PAM: variants seen among roughly 807,000 people sequenced by gnomAD.
The protein encoded by PAM is peptidylglycine alpha-amidating monooxygenase, also known as peptidyl-glycine alpha-amidating monooxygenase.
PAM carries 72 observed loss-of-function variants against 122.1 expected under a neutral mutation model. The ratio of observed to expected loss-of-function variants is 0.59; its 90% CI spans 0.49 to 0.72. The LOEUF is 0.72. PAM is among the 30% of genes least tolerant of loss of function. The pLI, the probability that PAM is intolerant of heterozygous loss-of-function variation, is 0.00. For missense variants in PAM, 1,106 were observed against 1,183.7 expected, an observed-to-expected ratio of 0.93 and a Z score of 0.96; for synonymous variants, 389 against 404.4, an observed-to-expected ratio of 0.96 and a Z score of 0.46.
intron 4 of PAM, among the ~76,000 whole-genome samples, chr5:102,913,254 A>T (rs1801985630): frequency 6.6e-6 from 1 of 151,974 alleles, no homozygotes; most frequent in Non-Finnish European, 1.5e-5. Context: ...TCTTTTAATT[A>T]TGCACTTGTT....
chr5:102,996,096 G>A (rs1775615233), intron 16 of PAM, among the ~76,000 whole-genome samples: 1 of 152,068 alleles, frequency 6.6e-6, no homozygotes, highest in Non-Finnish European at 1.5e-5. Flanking sequence ...TTTTGTGTGT[G>A]TGAATATAGC....
At chr5:102,794,301 T>C (rs893113280) in intron 1 of PAM, among the ~76,000 whole-genome samples, 1 of 152,180 alleles carries the variant, frequency 6.6e-6, no homozygotes, top group Non-Finnish European at 1.5e-5. Flanking sequence ...AGGTGGAAGG[T>C]TGTCTTCCTG....
chr5:102,960,219 T>A (rs1415853621), intron 13 of PAM, among the ~76,000 whole-genome samples, 160 bp downstream of exon 13: 2 of 152,144 alleles, frequency 1.3e-5, no homozygotes, highest in Admixed American at 1.3e-4. Flanking sequence ...TTTCATATCC[T>A]ATCTCCCCTC....
At chr5:102,830,088 T>G (rs746738405) in intron 1 of PAM, among the ~76,000 whole-genome samples, 1 of 152,206 alleles carries the variant, frequency 6.6e-6, no homozygotes, top group Non-Finnish European at 1.5e-5. Context: ...GGGGCTTATG[T>G]GCAGCTGCCA....
chr5:102,767,912 G>T (rs1386356727), intron 1 of PAM, among the ~76,000 whole-genome samples: 3 of 152,082 alleles, frequency 2.0e-5, no homozygotes, highest in Non-Finnish European at 2.9e-5. Context: ...TTGGCCCAAG[G>T]TCATATAGGT....
chr5:102,777,731 TTTTCCTCTGTAG>T (rs1444625818), intron 1 of PAM, among the ~76,000 whole-genome samples: 1 of 152,112 alleles, frequency 6.6e-6, no homozygotes, highest in Non-Finnish European at 1.5e-5. Context: ...CCCGGGCCTG[TTTTCCTCTGTAG>T]AGGTATTTTA....
At chr5:102,913,817 G>T in intron 4 of PAM, 117 bp from the exon 5 acceptor site, 2 of 628,712 alleles carry the variant, frequency 3.2e-6, no homozygotes, top group Non-Finnish European at 2.9e-6. Context: ...TTGATCACAA[G>T]AACATCAAAA....
chr5:102,889,272 GGA>G (rs1286401705), intron 3 of PAM, among the ~76,000 whole-genome samples: 1 of 151,926 alleles, frequency 6.6e-6, no homozygotes, highest in African/African-American at 2.4e-5. Context: ...GGCAGCAGGA[GGA>G]TAAGGAGGTC....
At chr5:102,791,188 TTTAGA>T (rs1356840273) in intron 1 of PAM, among the ~76,000 whole-genome samples, 1 of 152,086 alleles carries the variant, frequency 6.6e-6, no homozygotes, top group Non-Finnish European at 1.5e-5. Flanking sequence ...TGAAAATACT[TTTAGA>T]TTAATTTTTT....
rs529797552 is a variant in PAM at position 102,798,784 on chromosome 5, G to T, written c.-374+43436G>T. 9.2e-5 allele frequency among the ~76,000 whole-genome samples: 14 copies of T among 152,198 alleles called. No individual in the cohort carries two copies. The South Asian group carries it at 2.9e-3, about 32-fold the overall frequency. On this transcript the variant is annotated intron_variant, in intron 1 of 25. Coordinates refer to ENST00000438793, the MANE Select transcript of PAM (RefSeq NM_001177306.2). The stretch of plus-strand genomic sequence containing the variant: ...TTATAAAGCCCTCTCACAGAAAAAA[G>T]ATAGGAAGGAAAGCATGGTGGGTGA...
intron 1 of PAM, among the ~76,000 whole-genome samples, chr5:102,792,554 C>T (rs950105062): frequency 6.6e-6 from 1 of 152,146 alleles, no homozygotes; most frequent in Non-Finnish European, 1.5e-5. Context: ...AAACATAATG[C>T]ATGGTAACCC....
At chr5:102,982,020 C>T (rs1233350280) in intron 15 of PAM, among the ~76,000 whole-genome samples, 1 of 152,140 alleles carries the variant, frequency 6.6e-6, no homozygotes, top group Non-Finnish European at 1.5e-5. Flanking sequence ...AAGACAGTTC[C>T]TCCCCACCCA....
At chr5:102,865,331 CT>C (rs1390766270) in intron 1 of PAM, 1 of 152,142 alleles carries the variant, frequency 6.6e-6, no homozygotes, top group Non-Finnish European at 1.5e-5. Flanking sequence ...ATAAGCATGC[CT>C]TTGTTCTCAA....
chr5:102,972,341 G>A (rs1032946309), intron 14 of PAM, among the ~76,000 whole-genome samples: 5 of 152,062 alleles, frequency 3.3e-5, no homozygotes, highest in African/African-American at 1.2e-4. Context: ...GAGTACCGTG[G>A]CGTGATCATA....
At chr5:102,811,527 C>T (rs1767906350) in intron 1 of PAM, among the ~76,000 whole-genome samples, 1 of 152,108 alleles carries the variant, frequency 6.6e-6, no homozygotes, top group Non-Finnish European at 1.5e-5. Flanking sequence ...GGAGACTCTC[C>T]CCGTTTTAAG....
chr5:102,927,352 C>G (rs1016683718), intron 7 of PAM, among the ~76,000 whole-genome samples: 2 of 152,126 alleles, frequency 1.3e-5, no homozygotes, highest in African/African-American at 4.8e-5. Flanking sequence ...TAGTCAAACT[C>G]CAACTGCATT....
intron 1 of PAM, among the ~76,000 whole-genome samples, chr5:102,810,842 A>T (rs781659492): frequency 6.6e-6 from 1 of 152,208 alleles, no homozygotes; most frequent in Non-Finnish European, 1.5e-5. Flanking sequence ...AAAAGAAAAA[A>T]AAAAGTTAAA....
At chr5:102,960,996 GA>G (rs2150237595) in intron 13 of PAM, among the ~76,000 whole-genome samples, 161 bp from the exon 14 acceptor site, 1 of 91,154 alleles carries the variant, frequency 1.1e-5, no homozygotes, top group East Asian at 4.0e-4. Flanking sequence ...GGGGGGTGGG[GA>G]GCTTATGAAT....
At chr5:102,940,364 A>G (rs1467974272) in intron 7 of PAM, among the ~76,000 whole-genome samples, 4 of 151,048 alleles carry the variant, frequency 2.6e-5, no homozygotes, top group South Asian at 2.1e-4. Flanking sequence ...TACATTCTGG[A>G]CTCAGGGAAA....
Sources: gnomAD v4.1 joint callset for allele counts (sites outside exome capture counted in the v4.1 genomes callset) on GRCh38, gnomAD v4.1.1 for gene constraint, MANE v1.5 for transcripts, NCBI Gene and HGNC (gene_info 2026-07-23, HGNC 2026-07-21) for gene names.